NELL2: variants seen among roughly 807,000 people sequenced by gnomAD.
NELL2 encodes the protein protein kinase C-binding protein NELL2.
Under a neutral mutation model 109.6 loss-of-function variants are expected in NELL2, and 41 were observed. That is an observed-to-expected ratio of 0.37 (90% confidence interval 0.29 to 0.49). The LOEUF (loss-of-function observed/expected upper bound fraction) is 0.49. Ranked by LOEUF, NELL2 falls within the 20% of genes least tolerant of loss-of-function variation. NELL2 has a pLI of 0.98. For missense variants in NELL2, 900 were observed against 1,008.3 expected (o/e 0.89, Z 1.45); for synonymous variants, 355 against 344.7 (o/e 1.03, Z -0.33).
chr12:44,837,875 T>G (rs1312541713), intron 2 of NELL2, among the ~76,000 whole-genome samples: 1 of 152,178 alleles, frequency 6.6e-6, no homozygotes, highest in Non-Finnish European at 1.5e-5. Flanking sequence ...CAATTCTGAT[T>G]TTTATGTGGC....
At chr12:44,797,089 A>C (rs1057042840) in intron 3 of NELL2, among the ~76,000 whole-genome samples, 5 of 152,136 alleles carry the variant, frequency 3.3e-5, no homozygotes, top group African/African-American at 9.7e-5. Flanking sequence ...GAAAGGGTAT[A>C]ATAAAGCACT....
At chr12:44,509,715 T>C (rs372137216) in intron 19 of NELL2, among the ~76,000 whole-genome samples, 9 of 152,160 alleles carry the variant, frequency 5.9e-5, no homozygotes, top group Non-Finnish European at 1.3e-4. Context: ...GGGGAATGAA[T>C]TGTCGTTGTT....
chr12:44,799,313 G>T (rs186466181), intron 3 of NELL2, among the ~76,000 whole-genome samples: 17 of 152,072 alleles, frequency 1.1e-4, no homozygotes, highest in African/African-American at 4.1e-4. Flanking sequence ...AATACAGTAA[G>T]ATCCCACTTC....
At chr12:44,912,786 G>A (rs991745042) in intron 1 of NELL2, among the ~76,000 whole-genome samples, 4 of 152,150 alleles carry the variant, frequency 2.6e-5, no homozygotes, top group Non-Finnish European at 4.4e-5. Context: ...AAAACAAAAT[G>A]AACTTGGATT....
At chr12:44,877,068 G>A, upstream of NELL2, 1 of 204,792 alleles carries the variant, frequency 4.9e-6, no homozygotes, top group Non-Finnish European at 9.5e-6. Flanking sequence ...TCTGGGACCA[G>A]CATACAGCAG....
chr12:44,639,874 G>A (rs987914936), intron 13 of NELL2, among the ~76,000 whole-genome samples: 6 of 152,092 alleles, frequency 3.9e-5, no homozygotes, highest in East Asian at 1.9e-4. Context: ...CTGCATGATC[G>A]GACCCCACCC....
At chr12:44,918,517 A>ATATGTGTG (rs748382812), upstream of NELL2, among the ~76,000 whole-genome samples, 3 of 123,884 alleles carry the variant, frequency 2.4e-5, no homozygotes, top group Non-Finnish European at 5.1e-5. Flanking sequence ...GCATGCATGT[A>ATATGTGTG]TGTGTGTGTG....
intron 13 of NELL2, among the ~76,000 whole-genome samples, chr12:44,648,910 G>A (rs1198353942): frequency 7.0e-6 from 1 of 143,486 alleles, no homozygotes; most frequent in African/African-American, 2.6e-5. Context: ...TTGTGTGTGT[G>A]TGTGTGTGTG....
chr12:44,825,453 T>C (rs1437476648), intron 2 of NELL2, among the ~76,000 whole-genome samples: 2 of 138,996 alleles, frequency 1.4e-5, no homozygotes, highest in African/African-American at 5.4e-5. Context: ...TGGAGTGCAG[T>C]GGTGCAATCT....
At chr12:44,883,714 T>G (rs1945440805) in intron 1 of NELL2, among the ~76,000 whole-genome samples, 1 of 151,892 alleles carries the variant, frequency 6.6e-6, no homozygotes, top group Admixed American at 6.5e-5. Flanking sequence ...AATGGTAAGG[T>G]TTCCACATTC....
intron 13 of NELL2, among the ~76,000 whole-genome samples, chr12:44,654,239 A>G (rs1258138442): frequency 6.6e-6 from 1 of 152,204 alleles, no homozygotes. Context: ...CTCTGGTGTA[A>G]AGAAAAGTAA....
At chr12:44,700,150 A>T (rs1353028259) in intron 12 of NELL2, among the ~76,000 whole-genome samples, 1 of 152,088 alleles carries the variant, frequency 6.6e-6, no homozygotes, top group Non-Finnish European at 1.5e-5. Flanking sequence ...ATCAACCTCT[A>T]AACCTCTCTC....
chr12:44,779,584 C>T, intron 5 of NELL2, 79 bp downstream of exon 5: 2 of 1,136,108 alleles, frequency 1.8e-6, no homozygotes, highest in African/African-American at 3.1e-5. Context: ...TTGTTTCACA[C>T]CATAAAAAGT....
intron 12 of NELL2, among the ~76,000 whole-genome samples, chr12:44,677,905 T>A (rs1186530078): frequency 1.3e-5 from 2 of 152,038 alleles, no homozygotes; most frequent in Non-Finnish European, 2.9e-5. Context: ...GAGATGCTTA[T>A]GACACATCCA....
chr12:44,916,105 C>G (rs1336871138), upstream of NELL2, among the ~76,000 whole-genome samples: 3 of 152,124 alleles, frequency 2.0e-5, no homozygotes, highest in Non-Finnish European at 4.4e-5. Flanking sequence ...GTTAAAGTAT[C>G]AAAAAGCCTA....
intron 12 of NELL2, among the ~76,000 whole-genome samples, chr12:44,672,906 G>A (rs182728385): frequency 4.5e-4 from 69 of 152,260 alleles, no homozygotes; most frequent in African/African-American, 1.6e-3. Context: ...AGCTATCATA[G>A]GGTCAGAGAA....
intron 13 of NELL2, among the ~76,000 whole-genome samples, chr12:44,612,910 C>T (rs985506201): frequency 1.8e-4 from 27 of 151,914 alleles, no homozygotes; most frequent in African/African-American, 6.5e-4. Flanking sequence ...GTTCAATAAA[C>T]GCTAAATAAT....
upstream of NELL2, among the ~76,000 whole-genome samples, chr12:44,915,287 CA>C: frequency 6.6e-6 from 1 of 152,140 alleles, no homozygotes; most frequent in Non-Finnish European, 1.5e-5. Flanking sequence ...GCAAAATTTA[CA>C]AAACTGAAGG....
rs1157006162 is a variant in NELL2 at position 44,798,946 on chromosome 12, C to CTTTT, written c.335+17036_335+17039dup. 2.4e-3 allele frequency among the ~76,000 whole-genome samples: 186 copies of CTTTT among 77,446 alleles called. 9 individuals are homozygous for CTTTT. Among genetic ancestry groups the CTTTT allele is most frequent in the Non-Finnish European group, 2.8e-3 (123 of 43,714 alleles). 50.8% of individuals were successfully genotyped at this position (77,446 alleles called of 152,430 possible). A position where few individuals can be genotyped will look rare whatever the true frequency, so the allele number is the denominator to read the frequency against. ...AAAAGAACTTTGCAAATGATTTCCA[C>CTTTT]TTTTTTTTTTTTTTTTTTTTTTTTT... On this transcript the variant is annotated intron_variant, in intron 3 of 19. Transcript: ENST00000429094.
Sources: gnomAD v4.1 joint callset for allele counts (sites outside exome capture counted in the v4.1 genomes callset) on GRCh38, gnomAD v4.1.1 for gene constraint, MANE v1.5 for transcripts, NCBI Gene and HGNC (gene_info 2026-07-23, HGNC 2026-07-21) for gene names.